The following FRMD4A variants were observed in gnomAD, a reference collection of about 807,000 sequenced individuals.
FRMD4A encodes FERM domain-containing protein 4A.
FRMD4A carries 29 observed loss-of-function variants against 129.1 expected under a neutral mutation model. The ratio of observed to expected loss-of-function variants is 0.22; its 90% CI spans 0.17 to 0.31. FRMD4A has a LOEUF of 0.31. Ranked by LOEUF, FRMD4A falls within the 10% of genes least tolerant of loss-of-function variation. The pLI is 1.00. For synonymous variants in FRMD4A, 634 were observed against 571.6 expected (o/e 1.11, Z -1.56); for missense variants, 1,272 against 1,375.8 (o/e 0.92, Z 1.19).
chr10:14,204,423 C>CA (rs747968021), intron 2 of FRMD4A, among the ~76,000 whole-genome samples: 441 of 138,246 alleles, frequency 3.2e-3, no homozygotes, highest in African/African-American at 5.3e-3. Context: ...GAGACGCAGT[C>CA]AAAAAAAAAA....
At chr10:14,161,191 G>A (rs1840869893) in intron 2 of FRMD4A, among the ~76,000 whole-genome samples, 1 of 152,092 alleles carries the variant, frequency 6.6e-6, no homozygotes, top group Admixed American at 6.5e-5. Flanking sequence ...CCTGACCTGA[G>A]GTAATCCACC....
At chr10:14,067,305 G>C (rs763340288) in intron 2 of FRMD4A, among the ~76,000 whole-genome samples, 1 of 151,986 alleles carries the variant, frequency 6.6e-6, no homozygotes, top group Admixed American at 6.5e-5. Flanking sequence ...GACAGAGAGA[G>C]AGACTCCCTC....
At position 13,685,493 on chromosome 10, in the gene FRMD4A, C is replaced by T. The variant is rs548837433; in HGVS notation, c.1117+8405G>A. ...TTAGGCTGTGAAATGAGGGAGCTGA[C>T]CTATCTTCTGGGTCCAAGCTTGTTA... On this transcript the variant is annotated intron_variant, in intron 15 of 24. Transcript: ENST00000357447. The T allele has an allele frequency of 1.5e-5, 15 of 985,172 alleles. No homozygotes were observed. In the African/African-American group the frequency reaches 2.3e-4, roughly 15 times the overall value. 61.0% of individuals were successfully genotyped at this position (985,172 alleles called of 1,614,324 possible). A position where few individuals can be genotyped will look rare whatever the true frequency, so the allele number is the denominator to read the frequency against.
intron 2 of FRMD4A, among the ~76,000 whole-genome samples, chr10:14,327,968 G>A (rs983062273): frequency 3.3e-5 from 5 of 152,142 alleles, no homozygotes; most frequent in African/African-American, 9.6e-5. Flanking sequence ...TTTCCTCCTC[G>A]GCTTGCTTAT....
At chr10:13,959,099 G>A (rs930822051) in intron 2 of FRMD4A, among the ~76,000 whole-genome samples, 1 of 152,154 alleles carries the variant, frequency 6.6e-6, no homozygotes. Flanking sequence ...ATGGGCACTT[G>A]CAAGTATGAG....
intron 2 of FRMD4A, among the ~76,000 whole-genome samples, chr10:14,235,097 G>C (rs538675408): frequency 2.0e-5 from 3 of 152,088 alleles, no homozygotes; most frequent in African/African-American, 7.2e-5. Context: ...CTGGCACAGT[G>C]GGGTATTTTC....
chr10:13,858,357 C>T (rs770066273), intron 3 of FRMD4A, among the ~76,000 whole-genome samples: 4 of 152,188 alleles, frequency 2.6e-5, no homozygotes, highest in Non-Finnish European at 5.9e-5. Flanking sequence ...ATCGCTTGAA[C>T]CTGGGAGGCA....
chr10:13,737,170 A>G (rs1441448361), intron 12 of FRMD4A, among the ~76,000 whole-genome samples: 1 of 152,094 alleles, frequency 6.6e-6, no homozygotes. Flanking sequence ...GCTCACTGCA[A>G]TCTCCGCCTC....
At chr10:13,837,417 C>A (rs1226342229) in intron 3 of FRMD4A, among the ~76,000 whole-genome samples, 1 of 152,140 alleles carries the variant, frequency 6.6e-6, no homozygotes, top group Non-Finnish European at 1.5e-5. Context: ...CCATGACAAG[C>A]CCTGAGAAGC....
At chr10:14,093,429 G>C (rs12248572) in intron 2 of FRMD4A, among the ~76,000 whole-genome samples, 21,445 of 152,128 alleles carry the variant, frequency 0.14, 1,992 homozygotes, top group African/African-American at 0.26. Context: ...GTTCTTCCTG[G>C]TTGAGAAAGG....
chr10:14,224,919 AAT>A (rs1404261803), intron 2 of FRMD4A, among the ~76,000 whole-genome samples: 1 of 152,198 alleles, frequency 6.6e-6, no homozygotes, highest in Non-Finnish European at 1.5e-5. Context: ...GTAGAAAGAA[AAT>A]ATCCAAGAGG....
intron 6 of FRMD4A, 60 bp downstream of exon 6, chr10:13,782,862 T>C: frequency 1.2e-6 from 1 of 824,106 alleles, no homozygotes; most frequent in Non-Finnish European, 2.2e-6. Flanking sequence ...CTTTGGAATT[T>C]CCAGCTTCAA....
intron 12 of FRMD4A, among the ~76,000 whole-genome samples, chr10:13,737,236 T>C (rs1244868019): frequency 2.0e-5 from 3 of 152,162 alleles, no homozygotes; most frequent in Non-Finnish European, 4.4e-5. Context: ...ATTACAGGCA[T>C]GCACCACCAT....
intron 2 of FRMD4A, among the ~76,000 whole-genome samples, chr10:14,045,202 T>C (rs1406489445): frequency 6.6e-6 from 1 of 152,160 alleles, no homozygotes; most frequent in Non-Finnish European, 1.5e-5. Context: ...TCCCTGGTCC[T>C]TCTGCCATCA....
At chr10:14,178,902 A>G (rs1841819932) in intron 2 of FRMD4A, among the ~76,000 whole-genome samples, 2 of 152,220 alleles carry the variant, frequency 1.3e-5, no homozygotes, top group African/African-American at 4.8e-5. Flanking sequence ...ACTTTGTGGT[A>G]GGTGGACTTC....
intron 2 of FRMD4A, among the ~76,000 whole-genome samples, chr10:14,057,244 C>G (rs1163628209): frequency 1.3e-5 from 2 of 152,230 alleles, no homozygotes; most frequent in Non-Finnish European, 2.9e-5. Flanking sequence ...AGAGAACACA[C>G]AGTCACCTGA....
rs71388168 is a variant in FRMD4A at position 14,241,683 on chromosome 10, TAAAAAAAAAAAAAAAAAAA to T, written c.45+88356_45+88374del. Among the ~76,000 whole-genome samples, 100 of 23,412 alleles carry T rather than the reference TAAAAAAAAAAAAAAAAAAA, an allele frequency of 4.3e-3. 3 individuals carry two copies. In the East Asian group the frequency reaches 0.066, roughly 15 times the overall value. 15.4% of individuals were successfully genotyped at this position (23,412 alleles called of 152,430 possible). A position where few individuals can be genotyped will look rare whatever the true frequency, so the allele number is the denominator to read the frequency against. Reference sequence around the variant, plus strand: ...GGAGAGGGATTTGTTTTACCCTCCCTAAAAAAAAAAAAAAAAAAAAAAAAAAAAAAAAAAAAAAGAGCCA... The same window carrying T: ...GGAGAGGGATTTGTTTTACCCTCCCTAAAAAAAAAAAAAAAAAAAGAGCCA... On this transcript the variant is annotated intron_variant, in intron 2 of 24. Coordinates refer to ENST00000357447, the MANE Select transcript of FRMD4A (RefSeq NM_018027.5).
At chr10:13,936,094 T>C (rs1242564375) in intron 2 of FRMD4A, among the ~76,000 whole-genome samples, 2 of 152,232 alleles carry the variant, frequency 1.3e-5, no homozygotes, top group African/African-American at 4.8e-5. Flanking sequence ...AGATCTTATA[T>C]TGAATAAGAT....
At chr10:13,853,969 T>G (rs894644970) in intron 3 of FRMD4A, among the ~76,000 whole-genome samples, 1 of 151,964 alleles carries the variant, frequency 6.6e-6, no homozygotes, top group African/African-American at 2.4e-5. Flanking sequence ...TTTCTGGCAC[T>G]GGGCAGGCTC....
Sources: allele counts gnomAD v4.1 joint callset (sites outside exome capture counted in the v4.1 genomes callset), GRCh38; gene constraint gnomAD v4.1.1; transcripts MANE v1.5; gene names NCBI Gene and HGNC (gene_info 2026-07-23, HGNC 2026-07-21).